The following RERE variants were observed in gnomAD, a reference collection of about 807,000 sequenced individuals.
RERE encodes the protein arginine-glutamic acid dipeptide repeats protein.
Under a neutral mutation model 146.1 loss-of-function variants are expected in RERE, and 40 were observed. The observed-to-expected ratio is 0.27, with a 90% CI of 0.21 to 0.36. The LOEUF is 0.36. Among genes scored for constraint, RERE ranks in the 10% least tolerant of loss-of-function variants. The pLI, the probability that RERE is intolerant of heterozygous loss-of-function variation, is 1.00. For missense variants in RERE, 1,933 were observed against 2,138.7 expected, an observed-to-expected ratio of 0.90 and a Z score of 1.90; for synonymous variants, 1,003 against 866.0, an observed-to-expected ratio of 1.16 and a Z score of -2.78.
At chr1:8,648,469 C>A (rs1269905479) in intron 2 of RERE, among the ~76,000 whole-genome samples, 2 of 152,170 alleles carry the variant, frequency 1.3e-5, no homozygotes, top group Non-Finnish European at 2.9e-5. Flanking sequence ...TGGGCTCAAT[C>A]TACCTACCTA....
rs1645257161 is a variant in RERE at position 8,506,931 on chromosome 1, T to TA, written c.879+1695dup. Among the ~76,000 whole-genome samples, 3 of 152,244 alleles carry TA rather than the reference T, an allele frequency of 2.0e-5. No homozygotes were observed. In the South Asian group the frequency reaches 6.2e-4, roughly 32 times the overall value. ...GGAGCAAATGTGAAGGAAAAAAGTG[T>TA]ATCTTAGAATTAGTCAAACTGAGCT... is the stretch of plus-strand genomic sequence containing the variant. On this transcript the variant is annotated intron_variant, in intron 8 of 22. Transcript: ENST00000400908.
intron 1 of RERE, among the ~76,000 whole-genome samples, chr1:8,720,782 A>G (rs1466823902): frequency 6.6e-6 from 1 of 152,236 alleles, no homozygotes; most frequent in Non-Finnish European, 1.5e-5. Flanking sequence ...CTAGCCGGGC[A>G]CAGTGGCTCA....
chr1:8,677,930 T>C (rs946701829), intron 1 of RERE, among the ~76,000 whole-genome samples: 3 of 152,220 alleles, frequency 2.0e-5, no homozygotes, highest in Non-Finnish European at 2.9e-5. Flanking sequence ...CAGAAAACAG[T>C]ATCTAAAACA....
chr1:8,360,249 G>A lies in RERE; in HGVS notation c.3258C>T (p.Cys1086=). ...CCTTGATCTGGACGGTGGGGAGTGG[G>A]CAGGACGACCCCCCCGCTATGCTGC... The part of the protein sequence containing the change: ...SGGSIAGGSS[C]PLPTVQIKEE... Residue 1086 remains cysteine, a synonymous_variant, in exon 18 of 23, where the codon TGC becomes TGT. Transcript: ENST00000400908. 1 of 1,578,832 alleles carries A rather than the reference G, an allele frequency of 6.3e-7. No homozygotes were observed.
At position 8,400,886 on chromosome 1, in the gene RERE, C is replaced by T. The variant is rs577726930; in HGVS notation, c.1284+21841G>A. ...CCCAAAAATTATCCAGGCGTGATGGCGTGCACCTGTAGTCCCAACTACTCA... is the reference window on the plus strand; with the variant it reads ...CCCAAAAATTATCCAGGCGTGATGGTGTGCACCTGTAGTCCCAACTACTCA... On this transcript the variant is annotated intron_variant, in intron 12 of 22. Transcript: ENST00000400908. 3.5e-5 allele frequency among the ~76,000 whole-genome samples: 5 copies of T among 142,766 alleles called. No homozygotes were observed. The South Asian group carries it at 6.8e-4, about 19-fold the overall frequency. 93.7% of individuals were successfully genotyped at this position (142,766 alleles called of 152,430 possible). A position where few individuals can be genotyped will look rare whatever the true frequency, so the allele number is the denominator to read the frequency against.
chr1:8,645,953 T>C (rs1422937500), intron 2 of RERE, among the ~76,000 whole-genome samples: 1 of 152,216 alleles, frequency 6.6e-6, no homozygotes, highest in East Asian at 1.9e-4. Flanking sequence ...AGTTAACTAA[T>C]GTAATCCATA....
intron 7 of RERE, among the ~76,000 whole-genome samples, chr1:8,539,969 C>T (rs773759337): frequency 1.2e-4 from 19 of 152,164 alleles, no homozygotes; most frequent in African/African-American, 2.9e-4. Flanking sequence ...GTTTTACATA[C>T]GGTTTCTGAA....
At chr1:8,725,740 T>A (rs953633899) in intron 1 of RERE, among the ~76,000 whole-genome samples, 1 of 152,112 alleles carries the variant, frequency 6.6e-6, no homozygotes, top group Non-Finnish European at 1.5e-5. Context: ...CCATATTTGA[T>A]GAATTATATG....
intron 11 of RERE, among the ~76,000 whole-genome samples, chr1:8,447,765 A>C (rs1368505928): frequency 2.0e-5 from 3 of 152,274 alleles, no homozygotes; most frequent in African/African-American, 7.2e-5. Context: ...CAATGGACAC[A>C]GAAGAATGAG....
intron 1 of RERE, among the ~76,000 whole-genome samples, chr1:8,787,830 CAAA>C (rs1254862943): frequency 1.7e-5 from 2 of 117,938 alleles, no homozygotes; most frequent in Non-Finnish European, 3.5e-5. Context: ...GACTCTGCCT[CAAA>C]AAAAAAAAAA....
At chr1:8,767,145 G>C (rs1372153293) in intron 1 of RERE, among the ~76,000 whole-genome samples, 1 of 152,134 alleles carries the variant, frequency 6.6e-6, no homozygotes, top group Non-Finnish European at 1.5e-5. Context: ...GTAAGTAGTT[G>C]GGTATCACTG....
chr1:8,363,638 A>G (rs185974222), intron 15 of RERE: 34 of 203,584 alleles, frequency 1.7e-4, no homozygotes, highest in Non-Finnish European at 3.2e-4. Flanking sequence ...CTATGCAGTG[A>G]GCAGAAAAAT....
At chr1:8,502,609 G>T (rs1265049456) in intron 8 of RERE, among the ~76,000 whole-genome samples, 1 of 148,776 alleles carries the variant, frequency 6.7e-6, no homozygotes, top group Non-Finnish European at 1.5e-5. Context: ...CATTGGGGAT[G>T]GGCCATGATG....
chr1:8,539,085 A>AGT (rs1645764630), intron 7 of RERE, among the ~76,000 whole-genome samples: 3 of 152,352 alleles, frequency 2.0e-5, no homozygotes, highest in African/African-American at 7.2e-5. Context: ...GAGTTAAAAG[A>AGT]CAAAAGCTAC....
At chr1:8,609,215 C>T (rs886693964) in intron 4 of RERE, among the ~76,000 whole-genome samples, 15 of 149,354 alleles carry the variant, frequency 1.0e-4, no homozygotes, top group Non-Finnish European at 1.9e-4. Context: ...AAGACCCTGT[C>T]TCCCAAAAAA....
intron 1 of RERE, among the ~76,000 whole-genome samples, chr1:8,763,614 G>A (rs1335498298): frequency 2.6e-5 from 4 of 151,556 alleles, no homozygotes; most frequent in Admixed American, 1.3e-4. Context: ...CAACCTGGGC[G>A]ACAGAGCTAG....
intron 11 of RERE, among the ~76,000 whole-genome samples, chr1:8,446,706 G>A (rs923745619): frequency 5.3e-5 from 8 of 151,862 alleles, no homozygotes; most frequent in East Asian, 3.9e-4. Context: ...TTAGAGTCTC[G>A]CTCTGTCACC....
intron 1 of RERE, among the ~76,000 whole-genome samples, chr1:8,760,182 C>T (rs773507333): frequency 2.3e-4 from 35 of 152,230 alleles, no homozygotes; most frequent in Non-Finnish European, 4.1e-4. Flanking sequence ...CCCGCCACCG[C>T]GCCCAGCTAA....
chr1:8,411,002 A>G (rs1420900822), intron 12 of RERE, among the ~76,000 whole-genome samples: 1 of 152,236 alleles, frequency 6.6e-6, no homozygotes, highest in Admixed American at 6.5e-5. Flanking sequence ...ACAGATTTCC[A>G]GAAAAATGTT....
Sources: gnomAD v4.1 joint callset for allele counts (sites outside exome capture counted in the v4.1 genomes callset) on GRCh38, gnomAD v4.1.1 for gene constraint, MANE v1.5 for transcripts, NCBI Gene and HGNC (gene_info 2026-07-23, HGNC 2026-07-21) for gene names.